Variants in RAD51B observed in about 807,000 individuals in gnomAD.
The protein encoded by RAD51B is DNA repair protein RAD51 homolog 2.
A neutral mutation model predicts 42.2 loss-of-function variants in RAD51B; 38 were observed. The ratio of observed to expected loss-of-function variants is 0.90; its 90% confidence interval spans 0.70 to 1.18. RAD51B has a LOEUF of 1.18. RAD51B is among the 50% of genes most tolerant of loss of function. RAD51B has a pLI of 0.00. For synonymous variants in RAD51B, 154 were observed against 145.2 expected, an observed-to-expected ratio of 1.06 and a Z score of -0.43; for missense variants, 373 against 400.7, an observed-to-expected ratio of 0.93 and a Z score of 0.59.
intron 11 of RAD51B, among the ~76,000 whole-genome samples, chr14:68,675,162 A>G (rs1251667561): frequency 6.6e-6 from 1 of 152,170 alleles, no homozygotes; most frequent in Admixed American, 6.5e-5. Flanking sequence ...GTAGACAAGC[A>G]AGGCCTCTCC....
At chr14:68,293,539 A>G (rs973611728) in intron 8 of RAD51B, among the ~76,000 whole-genome samples, 1 of 152,078 alleles carries the variant, frequency 6.6e-6, no homozygotes, top group African/African-American at 2.4e-5. Context: ...TGAAGCTCCT[A>G]TGCCAAGTGT....
intron 7 of RAD51B, among the ~76,000 whole-genome samples, chr14:68,150,389 T>C (rs976409114): frequency 3.9e-5 from 6 of 152,252 alleles, no homozygotes; most frequent in African/African-American, 1.2e-4. Flanking sequence ...ACCAAATTTA[T>C]GGATTAAGTT....
chr14:68,295,099 G>C (rs986057273), intron 8 of RAD51B, among the ~76,000 whole-genome samples: 2 of 152,210 alleles, frequency 1.3e-5, no homozygotes, highest in African/African-American at 4.8e-5. Context: ...GATATTTTAA[G>C]TAAATAGAGA....
At chr14:68,547,166 C>T (rs941972757) in intron 10 of RAD51B, among the ~76,000 whole-genome samples, 7 of 152,174 alleles carry the variant, frequency 4.6e-5, no homozygotes, top group Non-Finnish European at 1.0e-4. Flanking sequence ...GTTCAGGTTC[C>T]GGCACGATTA....
intron 9 of RAD51B, among the ~76,000 whole-genome samples, chr14:68,455,477 G>A (rs2085660655): frequency 6.6e-6 from 1 of 152,104 alleles, no homozygotes; most frequent in Admixed American, 6.5e-5. Flanking sequence ...CAGCACTTTG[G>A]GAGGTCAAGA....
At chr14:68,141,677 CTT>C (rs2078131498) in intron 7 of RAD51B, among the ~76,000 whole-genome samples, 1 of 152,066 alleles carries the variant, frequency 6.6e-6, no homozygotes, top group African/African-American at 2.4e-5. Flanking sequence ...GTTTGGTACT[CTT>C]TGTTAATCTT....
intron 8 of RAD51B, among the ~76,000 whole-genome samples, chr14:68,322,891 C>G (rs2082181713): frequency 6.6e-6 from 1 of 152,128 alleles, no homozygotes. Flanking sequence ...GTGTAATTAC[C>G]AGGAATGCTT....
chr14:68,415,553 A>C (rs2084535027), intron 9 of RAD51B, among the ~76,000 whole-genome samples: 1 of 152,204 alleles, frequency 6.6e-6, no homozygotes, highest in African/African-American at 2.4e-5. Context: ...TGTAAACCGG[A>C]CTTGCAGTAA....
intron 5 of RAD51B, among the ~76,000 whole-genome samples, chr14:67,877,582 T>C (rs920597599): frequency 2.6e-5 from 4 of 152,244 alleles, no homozygotes; most frequent in African/African-American, 9.6e-5. Flanking sequence ...CTTCTAGATA[T>C]TGTTTGTCAG....
intron 3 of RAD51B, among the ~76,000 whole-genome samples, chr14:67,832,383 T>C (rs2041084466): frequency 6.6e-6 from 1 of 152,254 alleles, no homozygotes; most frequent in Non-Finnish European, 1.5e-5. Context: ...AAATGACCGT[T>C]ATAAAGGTAT....
At chr14:67,880,642 C>CAT (rs1179239075) in intron 5 of RAD51B, among the ~76,000 whole-genome samples, 1 of 152,116 alleles carries the variant, frequency 6.6e-6, no homozygotes. Flanking sequence ...TGAATGCCAT[C>CAT]ATATATATAA....
intron 8 of RAD51B, among the ~76,000 whole-genome samples, chr14:68,303,235 A>G (rs2139697976): frequency 6.6e-6 from 1 of 152,202 alleles, no homozygotes; most frequent in Middle Eastern, 3.4e-3. Context: ...AAAACCAAAC[A>G]CCGCATGTTC....
intron 4 of RAD51B, among the ~76,000 whole-genome samples, chr14:67,856,619 C>T (rs893476130): frequency 6.6e-5 from 10 of 152,136 alleles, no homozygotes; most frequent in African/African-American, 2.4e-4. Context: ...TTACCCTGTC[C>T]AGTTGCCCTC....
chr14:68,354,216 G>GTTTTTTTTTTTTTTTT (rs3075406), intron 8 of RAD51B, among the ~76,000 whole-genome samples: 1 of 110,484 alleles, frequency 9.1e-6, no homozygotes, highest in Non-Finnish European at 1.8e-5. Flanking sequence ...TGGTTTTTTG[G>GTTTTTTTTTTTTTTTT]TTTTTTTTTT....
chr14:68,233,331 G>A (rs1406761009), intron 7 of RAD51B, among the ~76,000 whole-genome samples: 1 of 152,160 alleles, frequency 6.6e-6, no homozygotes, highest in Non-Finnish European at 1.5e-5. Flanking sequence ...TGTCAGTTCT[G>A]GTTGTCTGAG....
At chr14:68,337,428 A>G (rs1439048021) in intron 8 of RAD51B, among the ~76,000 whole-genome samples, 1 of 152,228 alleles carries the variant, frequency 6.6e-6, no homozygotes, top group Non-Finnish European at 1.5e-5. Context: ...GTGAAAGTAG[A>G]TGCTAAAATT....
intron 7 of RAD51B, among the ~76,000 whole-genome samples, chr14:68,020,560 A>T (rs1238829241): frequency 6.6e-6 from 1 of 152,148 alleles, no homozygotes; most frequent in Non-Finnish European, 1.5e-5. Flanking sequence ...AAAATTGTCC[A>T]CTATTAACAT....
At chr14:67,885,452 T>C (rs999247054) in intron 5 of RAD51B, among the ~76,000 whole-genome samples, 1 of 152,254 alleles carries the variant, frequency 6.6e-6, no homozygotes, top group African/African-American at 2.4e-5. Flanking sequence ...GAATGAGACA[T>C]GAAGACTTAC....
intron 7 of RAD51B, among the ~76,000 whole-genome samples, chr14:67,951,577 T>C (rs1488184054): frequency 6.6e-6 from 1 of 152,184 alleles, no homozygotes; most frequent in Non-Finnish European, 1.5e-5. Context: ...TTGCCTTTTT[T>C]TGATTATATG....
Sources: allele counts gnomAD v4.1 joint callset (sites outside exome capture counted in the v4.1 genomes callset), GRCh38; gene constraint gnomAD v4.1.1; transcripts MANE v1.5; gene names NCBI Gene and HGNC (gene_info 2026-07-23, HGNC 2026-07-21).